Variants in PRICKLE1 observed in about 807,000 individuals in gnomAD.
The protein encoded by PRICKLE1 is prickle planar cell polarity protein 1.
In PRICKLE1, 14 loss-of-function variants were observed where a neutral mutation model predicts 70.2. The observed-to-expected ratio is 0.20, with a 90% confidence interval of 0.13 to 0.31. The LOEUF (loss-of-function observed/expected upper bound fraction) is 0.31. Among genes scored for constraint, PRICKLE1 ranks in the 10% least tolerant of loss-of-function variants. The pLI is 1.00. For missense variants in PRICKLE1, 821 were observed against 1,026.2 expected, an observed-to-expected ratio of 0.80 and a Z score of 2.73; for synonymous variants, 357 against 379.9, an observed-to-expected ratio of 0.94 and a Z score of 0.70.
intron 1 of PRICKLE1, among the ~76,000 whole-genome samples, chr12:42,498,285 A>T (rs1432268635): frequency 6.7e-6 from 1 of 148,612 alleles, no homozygotes; most frequent in Non-Finnish European, 1.5e-5. Context: ...TGATTCTCCC[A>T]CCCCGGCCCT....
At chr12:42,507,917 C>T (rs1939446397) in intron 1 of PRICKLE1, among the ~76,000 whole-genome samples, 2 of 152,150 alleles carry the variant, frequency 1.3e-5, no homozygotes, top group Non-Finnish European at 2.9e-5. Flanking sequence ...AAGATTATAG[C>T]TCCTGTTCCT....
chr12:42,561,577 A>AT (rs1940513167), intron 1 of PRICKLE1, among the ~76,000 whole-genome samples: 1 of 152,322 alleles, frequency 6.6e-6, no homozygotes, highest in South Asian at 2.1e-4. Context: ...TAAAGATTAG[A>AT]TTTTTTAAGG....
intron 1 of PRICKLE1, among the ~76,000 whole-genome samples, chr12:42,588,909 C>T (rs938311830): frequency 7.9e-5 from 12 of 152,326 alleles, no homozygotes; most frequent in African/African-American, 2.9e-4. Flanking sequence ...GAGAGGAAGA[C>T]GCTCCCATTT....
chr12:42,470,465 T>C, intron 2 of PRICKLE1, 106 bp from the exon 3 acceptor site: 2 of 795,214 alleles, frequency 2.5e-6, no homozygotes, highest in Non-Finnish European at 4.4e-6. Context: ...TGGCCTCTTG[T>C]AGCTAATGAG....
At chr12:42,570,891 T>G (rs1468393453) in intron 1 of PRICKLE1, among the ~76,000 whole-genome samples, 1 of 152,180 alleles carries the variant, frequency 6.6e-6, no homozygotes, top group Admixed American at 6.5e-5. Context: ...ATATAACCTT[T>G]AAAATATCCA....
At chr12:42,517,448 G>T (rs1939630286) in intron 1 of PRICKLE1, among the ~76,000 whole-genome samples, 1 of 151,770 alleles carries the variant, frequency 6.6e-6, no homozygotes, top group Non-Finnish European at 1.5e-5. Context: ...GAGTAGCTGG[G>T]ACTACAGGCG....
At chr12:42,507,722 A>G (rs940344133) in intron 1 of PRICKLE1, among the ~76,000 whole-genome samples, 1 of 152,226 alleles carries the variant, frequency 6.6e-6, no homozygotes, top group Non-Finnish European at 1.5e-5. Flanking sequence ...AATGATGTTG[A>G]CTGACATTTA....
chr12:42,477,059 G>C (rs1485046705), intron 1 of PRICKLE1, among the ~76,000 whole-genome samples: 1 of 151,432 alleles, frequency 6.6e-6, no homozygotes, highest in Non-Finnish European at 1.5e-5. Context: ...TCTTACGCTT[G>C]TAAAAAGTTA....
At chr12:42,534,368 A>G (rs537539404) in intron 1 of PRICKLE1, among the ~76,000 whole-genome samples, 46 of 152,156 alleles carry the variant, frequency 3.0e-4, no homozygotes, top group Non-Finnish European at 5.7e-4. Flanking sequence ...AGGGCAGGCC[A>G]GTGTTGGCTG....
chr12:42,492,040 T>C (rs1347108178), intron 1 of PRICKLE1, among the ~76,000 whole-genome samples: 1 of 151,804 alleles, frequency 6.6e-6, no homozygotes, highest in African/African-American at 2.4e-5. Flanking sequence ...TGTCTCGGCC[T>C]CCCAAAGTGC....
chr12:42,578,653 A>G (rs1402339653), intron 1 of PRICKLE1, among the ~76,000 whole-genome samples: 1 of 152,174 alleles, frequency 6.6e-6, no homozygotes, highest in African/African-American at 2.4e-5. Context: ...ACCCACAAAA[A>G]TGCTCCAAAT....
At chr12:42,497,853 T>C (rs1939235236) in intron 1 of PRICKLE1, among the ~76,000 whole-genome samples, 1 of 148,430 alleles carries the variant, frequency 6.7e-6, no homozygotes, top group Admixed American at 6.7e-5. Flanking sequence ...TGCTGGTATC[T>C]TTCCTCCCTA....
chr12:42,524,502 C>T (rs1230439093), intron 1 of PRICKLE1, among the ~76,000 whole-genome samples: 1 of 152,154 alleles, frequency 6.6e-6, no homozygotes, highest in Admixed American at 6.5e-5. Context: ...CAACCACCAC[C>T]CCCTGGGTTC....
rs1393400042 is a variant in PRICKLE1, at chr12:42,459,579, C to T, written c.*230G>A. On this transcript the variant is annotated 3_prime_UTR_variant, in exon 8 of 8. Transcript: ENST00000345127. ...TACGTCCATCTGTAACGCACCCGCA[C>T]CGGACAGGCACGAGATGTCACGTCC... 6.3e-6 allele frequency: 4 copies of T among 632,222 alleles called. No individual in the cohort carries two copies. The highest frequency in any genetic ancestry group is 5.5e-5 in the African/African-American group (3 of 54,444). The allele number at this position is 632,222 out of a possible 1,614,324, so 39.2% of individuals were successfully genotyped here.
chr12:42,559,367 T>C (rs1204348747), intron 1 of PRICKLE1, among the ~76,000 whole-genome samples: 1 of 152,016 alleles, frequency 6.6e-6, no homozygotes, highest in Non-Finnish European at 1.5e-5. Flanking sequence ...ATATCCTAGT[T>C]TCTCTTTTTA....
At chr12:42,467,166 AGTGCAAT>A (rs998909714) in intron 5 of PRICKLE1, among the ~76,000 whole-genome samples, 5 of 151,400 alleles carry the variant, frequency 3.3e-5, no homozygotes, top group Non-Finnish European at 7.4e-5. Context: ...ACCACGCTGG[AGTGCAAT>A]GGCGTGACCT....
chr12:42,465,523 A>AC (rs535630248), intron 6 of PRICKLE1: 57 of 464,346 alleles, frequency 1.2e-4, no homozygotes, highest in African/African-American at 9.6e-4. Flanking sequence ...TACGAACTGA[A>AC]CCAACATGCA....
intron 1 of PRICKLE1, among the ~76,000 whole-genome samples, chr12:42,475,002 G>A (rs1475168677): frequency 6.6e-6 from 1 of 152,200 alleles, no homozygotes; most frequent in Non-Finnish European, 1.5e-5. Flanking sequence ...TTTTACAGCT[G>A]TACTCCCTGA....
intron 1 of PRICKLE1, among the ~76,000 whole-genome samples, chr12:42,567,581 A>T (rs560966664): frequency 6.6e-6 from 1 of 152,208 alleles, no homozygotes; most frequent in African/African-American, 2.4e-5. Context: ...TAATCCCAAC[A>T]CTCTGGGAGG....
Sources: gnomAD v4.1 joint callset for allele counts (sites outside exome capture counted in the v4.1 genomes callset) on GRCh38, gnomAD v4.1.1 for gene constraint, MANE v1.5 for transcripts, NCBI Gene and HGNC (gene_info 2026-07-23, HGNC 2026-07-21) for gene names.